The following KCNMA1 variants were observed in gnomAD, a reference collection of about 807,000 sequenced individuals.
KCNMA1 encodes the protein potassium calcium-activated channel subfamily M alpha 1.
KCNMA1 carries 29 observed loss-of-function variants against 140.0 expected under a neutral mutation model. The observed-to-expected ratio is 0.21, with a 90% CI of 0.15 to 0.28. KCNMA1 has a LOEUF of 0.28. KCNMA1 is among the 10% of genes least tolerant of loss of function. The pLI, the probability that KCNMA1 is intolerant of heterozygous loss-of-function variation, is 1.00. For missense variants in KCNMA1, 880 were observed against 1,602.2 expected (o/e 0.55, Z 7.70); for synonymous variants, 612 against 611.9 (o/e 1.00, Z 0.00).
intron 2 of KCNMA1, among the ~76,000 whole-genome samples, chr10:77,353,582 T>C (rs2093143257): frequency 6.6e-6 from 1 of 151,990 alleles, no homozygotes. Flanking sequence ...TTTCCATATA[T>C]ATGAAGGTAT....
intron 19 of KCNMA1, among the ~76,000 whole-genome samples, chr10:76,987,581 T>C (rs2081620661): frequency 6.6e-6 from 1 of 152,184 alleles, no homozygotes; most frequent in African/African-American, 2.4e-5. Context: ...CTTACTACAA[T>C]GGATGGCAGG....
chr10:77,308,558 A>G (rs1317216414), intron 2 of KCNMA1, among the ~76,000 whole-genome samples: 1 of 152,240 alleles, frequency 6.6e-6, no homozygotes, highest in Non-Finnish European at 1.5e-5. Flanking sequence ...AAATCCCAGC[A>G]GCTGTTCCAG....
chr10:76,877,293 TTAA>T (rs1168239557), downstream of KCNMA1: 1 of 155,182 alleles, frequency 6.4e-6, no homozygotes, highest in African/African-American at 2.4e-5. Context: ...TAAAATTGTT[TTAA>T]TAATTCATTT....
intron 2 of KCNMA1, among the ~76,000 whole-genome samples, chr10:77,287,867 A>G (rs2071600579): frequency 6.6e-6 from 1 of 152,206 alleles, no homozygotes. Context: ...CCTTATCTTG[A>G]GCTCCACTAT....
intron 11 of KCNMA1, 110 bp from the exon 12 acceptor site, chr10:77,084,829 A>C: frequency 1.3e-6 from 1 of 776,416 alleles, no homozygotes; most frequent in Non-Finnish European, 2.2e-6. Context: ...AAGAAAAAAA[A>C]AAAACAATCC....
At chr10:77,035,332 T>C (rs1241147950) in intron 15 of KCNMA1, among the ~76,000 whole-genome samples, 2 of 151,888 alleles carry the variant, frequency 1.3e-5, no homozygotes, top group African/African-American at 2.4e-5. Flanking sequence ...AACCCCCATG[T>C]CCCCCCAGCC....
rs940883401 is a variant in KCNMA1, at chr10:77,275,098, T to C, written c.541-23842A>G. On this transcript the variant is annotated intron_variant, in intron 2 of 27. Coordinates refer to ENST00000286628, the MANE Select transcript of KCNMA1 (RefSeq NM_001161352.2). The stretch of plus-strand genomic sequence containing the variant: ...TGGAGGGGCTTTTCTTTTCAGAGTC[T>C]CCTTCATGGGCAACTGGATCAACCA... 3.9e-5 allele frequency among the ~76,000 whole-genome samples: 6 copies of C among 152,314 alleles called. No homozygotes were observed. In the South Asian group the frequency reaches 1.2e-3, roughly 32 times the overall value.
intron 3 of KCNMA1, among the ~76,000 whole-genome samples, chr10:77,223,986 GCTCTGCCACGC>G (rs1353590318): frequency 6.6e-6 from 1 of 152,226 alleles, no homozygotes; most frequent in African/African-American, 2.4e-5. Flanking sequence ...CAGATTGCTT[GCTCTGCCACGC>G]CTCTGCCATC....
intron 5 of KCNMA1, among the ~76,000 whole-genome samples, chr10:77,146,427 G>A (rs566434949): frequency 1.3e-4 from 20 of 152,264 alleles, no homozygotes; most frequent in South Asian, 4.1e-4. Context: ...GAAGCTGGGC[G>A]CGGTGGCTCA....
intron 1 of KCNMA1, among the ~76,000 whole-genome samples, chr10:77,598,739 C>T (rs184131486): frequency 2.4e-4 from 37 of 152,318 alleles, no homozygotes; most frequent in Admixed American, 9.8e-4. Context: ...TCTCTCCTCC[C>T]TCAGAAGAAC....
chr10:77,207,491 C>G (rs544893065), intron 3 of KCNMA1, among the ~76,000 whole-genome samples: 235 of 152,306 alleles, frequency 1.5e-3, no homozygotes, highest in Non-Finnish European at 2.2e-3. Context: ...AAAGGCTTAT[C>G]ATGGCACTTT....
chr10:76,961,746 AAAG>A (rs1244238861), intron 20 of KCNMA1, among the ~76,000 whole-genome samples: 11 of 152,206 alleles, frequency 7.2e-5, no homozygotes, highest in African/African-American at 2.4e-4. Context: ...CCTCTACCAG[AAAG>A]AAGATTAAAA....
chr10:77,370,067 C>T (rs1201001861), intron 2 of KCNMA1, among the ~76,000 whole-genome samples: 2 of 152,150 alleles, frequency 1.3e-5, no homozygotes, highest in East Asian at 3.8e-4. Flanking sequence ...AAATATGAAC[C>T]AATTGAATGT....
chr10:77,482,991 TACACACACACAC>T (rs56364046), intron 1 of KCNMA1, among the ~76,000 whole-genome samples: 18,246 of 126,760 alleles, frequency 0.14, 1,414 homozygotes, highest in South Asian at 0.21. Flanking sequence ...CTCTCTCACA[TACACACACACAC>T]ACACACACAC....
chr10:77,100,415 A>G (rs2097068270), intron 9 of KCNMA1, among the ~76,000 whole-genome samples: 1 of 152,092 alleles, frequency 6.6e-6, no homozygotes, highest in Admixed American at 6.5e-5. Context: ...TGGTACCCAT[A>G]TTTGGAACAG....
chr10:77,041,193 C>T (rs1418647742), intron 14 of KCNMA1, among the ~76,000 whole-genome samples: 67 of 416 alleles, frequency 0.16, 3 homozygotes, highest in African/African-American at 0.31. Context: ...GAGACGGAGT[C>T]TCGCTCTGTC....
intron 23 of KCNMA1, among the ~76,000 whole-genome samples, chr10:76,925,486 G>A (rs1251051497): frequency 6.6e-6 from 1 of 152,100 alleles, no homozygotes; most frequent in African/African-American, 2.4e-5. Flanking sequence ...AAAACACACA[G>A]ACATCCCCCC....
At chr10:77,603,355 G>C (rs1254243854) in intron 1 of KCNMA1, among the ~76,000 whole-genome samples, 1 of 152,042 alleles carries the variant, frequency 6.6e-6, no homozygotes, top group East Asian at 1.9e-4. Flanking sequence ...GGCCAGCAAG[G>C]AGCCCAGGAC....
intron 17 of KCNMA1, among the ~76,000 whole-genome samples, chr10:77,013,282 G>A (rs571607131): frequency 6.6e-6 from 1 of 152,256 alleles, no homozygotes; most frequent in Non-Finnish European, 1.5e-5. Flanking sequence ...TCTGTAAACT[G>A]AGGAGGTTGT....
Sources: allele counts gnomAD v4.1 joint callset (sites outside exome capture counted in the v4.1 genomes callset), GRCh38; gene constraint gnomAD v4.1.1; transcripts MANE v1.5; gene names NCBI Gene and HGNC (gene_info 2026-07-23, HGNC 2026-07-21).